The following TRAPPC10 variants were observed in gnomAD, a reference collection of about 807,000 sequenced individuals.
TRAPPC10 encodes trafficking protein particle complex subunit 10.
In TRAPPC10, 23 loss-of-function variants were observed where a neutral mutation model predicts 125.5. The observed-to-expected ratio is 0.18, with a 90% CI of 0.13 to 0.26. The LOEUF (loss-of-function observed/expected upper bound fraction) is 0.26. TRAPPC10 is among the 10% of genes least tolerant of loss of function. The pLI is 1.00. For missense variants in TRAPPC10, 1,123 were observed against 1,308.4 expected, an observed-to-expected ratio of 0.86 and a Z score of 2.19; for synonymous variants, 509 against 518.0, an observed-to-expected ratio of 0.98 and a Z score of 0.24.
At position 44,088,503 on chromosome 21, in the gene TRAPPC10, G is replaced by T. The variant is rs528691099; in HGVS notation, c.2769+575G>T. On this transcript the variant is annotated intron_variant, in intron 17 of 22. Coordinates refer to ENST00000291574, the MANE Select transcript of TRAPPC10 (RefSeq NM_003274.5). ...AGGGCCCTGAAACAGCCCAGGGGCC[G>T]CAGTATACGCCCAAGAGCAGCGGGG... 20 of 159,636 alleles carry T rather than the reference G, an allele frequency of 1.3e-4. 1 individual carries two copies. The South Asian group carries it at 3.2e-3, about 26-fold the overall frequency. The allele number at this position is 159,636 out of a possible 1,614,324, so 9.9% of individuals were successfully genotyped here.
Position 44,087,840 on chromosome 21 carries a change from A to G in TRAPPC10, c.2681A>G (p.Glu894Gly). 1 of 1,614,146 alleles carries G rather than the reference A, an allele frequency of 6.2e-7. No homozygotes were observed. The highest frequency in any genetic ancestry group is 1.7e-5 in the Admixed American group (1 of 60,022). ...SLPSAPALGG[E>G]SDMLGMAEPH... ...CCTTCAGCCCCAGCACTCGGAGGGGAGAGTGACATGCTGGGGATGGCAGAG... is the reference window on the plus strand; with the variant it reads ...CCTTCAGCCCCAGCACTCGGAGGGGGGAGTGACATGCTGGGGATGGCAGAG... The change falls in exon 17 of 23, where the codon GAG (glutamate) becomes GGG (glycine). Residue 894 changes from glutamate to glycine, a missense_variant. Physicochemically the swap from Glu to Gly is moderately conservative, Grantham distance 98 (BLOSUM62 -2). This residue lies in a region of TRAPPC10 where 840 missense variants were observed against 902.0 expected (regional missense o/e 0.93). Coordinates refer to ENST00000291574, the MANE Select transcript of TRAPPC10 (RefSeq NM_003274.5). The surrounding 1 kb of genome is among the most constrained non-coding windows in gnomAD (Gnocchi z 4.6).
chr21:44,032,175 A>T lies in TRAPPC10; in HGVS notation c.149+3A>T. On this transcript the variant is annotated splice_donor_region_variant and intron_variant, in intron 2 of 22. Coordinates refer to ENST00000291574, the MANE Select transcript of TRAPPC10 (RefSeq NM_003274.5). Reference sequence around the variant, plus strand: ...AGAGAACCAATGGAATGGAGAAGGTATGAGTTGTGTGTTTTTTGGCTGTAT... The same window carrying T: ...AGAGAACCAATGGAATGGAGAAGGTTTGAGTTGTGTGTTTTTTGGCTGTAT... The T allele has an allele frequency of 6.2e-7, 1 of 1,611,674 alleles. No homozygotes were observed. Among genetic ancestry groups the T allele is most frequent in the South Asian group, 1.1e-5 (1 of 90,440 alleles).
intron 3 of TRAPPC10, among the ~76,000 whole-genome samples, chr21:44,043,207 C>T (rs890866764): frequency 3.0e-5 from 4 of 132,892 alleles, no homozygotes; most frequent in South Asian, 2.4e-4. Flanking sequence ...TTAATTATTA[C>T]GCTTTTTTTT....
intron 1 of TRAPPC10, among the ~76,000 whole-genome samples, chr21:44,022,039 A>ATTTC (rs60745501): frequency 0.29 from 42,514 of 148,798 alleles, 7,758 homozygotes; most frequent in African/African-American, 0.53. Flanking sequence ...CTTTTTAAAA[A>ATTTC]TTTCTTTCTT....
intron 3 of TRAPPC10, among the ~76,000 whole-genome samples, chr21:44,038,759 AGTT>A (rs2034183802): frequency 6.6e-6 from 1 of 152,026 alleles, no homozygotes; most frequent in South Asian, 2.1e-4. Flanking sequence ...GCACAGAGGT[AGTT>A]GTTGGTGATT....
intron 1 of TRAPPC10, among the ~76,000 whole-genome samples, chr21:44,016,872 A>G (rs1011915888): frequency 3.3e-5 from 5 of 152,188 alleles, no homozygotes; most frequent in African/African-American, 1.2e-4. Flanking sequence ...GTCAGCCAGG[A>G]TGGTCTTGAT....
intron 2 of TRAPPC10, among the ~76,000 whole-genome samples, chr21:44,036,355 G>A (rs970939273): frequency 2.0e-5 from 3 of 152,204 alleles, no homozygotes; most frequent in Admixed American, 1.3e-4. Flanking sequence ...CATCAAGAGG[G>A]AAGACTCTGT....
In TRAPPC10 at chr21:44,080,087, G is replaced by T; in HGVS notation, c.1683G>T (p.Gln561His). Reference protein sequence around the residue: ...LTEEERKHFCQEILDFASQPS... With the variant: ...LTEEERKHFCHEILDFASQPS... ...AAGAGGAGCGCAAGCACTTCTGCCA[G>T]GAGATACTTGACTTTGCCAGCCAGC... The change falls in exon 13 of 23, where the codon CAG becomes CAT. Residue 561 changes from glutamine to histidine, a missense_variant. Physicochemically the swap from Gln to His is conservative, Grantham distance 24 (BLOSUM62 0). This residue lies in a region of TRAPPC10 where 840 missense variants were observed against 902.0 expected (regional missense o/e 0.93). Transcript: ENST00000291574. 1 of 1,614,164 alleles carries T rather than the reference G, an allele frequency of 6.2e-7. No homozygotes were observed.
At chr21:44,080,999 A>ATTCTTTTT (rs2037670078) in intron 13 of TRAPPC10, among the ~76,000 whole-genome samples, 1 of 70,884 alleles carries the variant, frequency 1.4e-5, no homozygotes, top group African/African-American at 4.7e-5. Context: ...AGTCAATATT[A>ATTCTTTTT]TTGTTCTTTT....
chr21:44,062,528 G>T (rs1037219527), intron 6 of TRAPPC10: 8 of 985,212 alleles, frequency 8.1e-6, no homozygotes, highest in Non-Finnish European at 9.6e-6. Context: ...GGAGTGCCCC[G>T]TGAGAATCCT....
chr21:44,033,641 G>A (rs1273989970), intron 2 of TRAPPC10, among the ~76,000 whole-genome samples: 1 of 152,134 alleles, frequency 6.6e-6, no homozygotes, highest in African/African-American at 2.4e-5. Flanking sequence ...TGGGAGGATC[G>A]CTTGAGCCTA....
chr21:44,032,484 G>T (rs2033667137), intron 2 of TRAPPC10, among the ~76,000 whole-genome samples: 1 of 146,478 alleles, frequency 6.8e-6, no homozygotes, highest in Non-Finnish European at 1.5e-5. Flanking sequence ...CTGGGTTCAA[G>T]CAATTCTCCT....
chr21:44,047,636 CT>C (rs1833883723), intron 3 of TRAPPC10, among the ~76,000 whole-genome samples: 1 of 151,476 alleles, frequency 6.6e-6, no homozygotes, highest in Non-Finnish European at 1.5e-5. Flanking sequence ...TCCTTTTTCC[CT>C]TTTTCTTGGT....
At chr21:44,093,407 TCACAC>T (rs1187647962) in intron 19 of TRAPPC10, among the ~76,000 whole-genome samples, 4 of 151,552 alleles carry the variant, frequency 2.6e-5, no homozygotes, top group African/African-American at 9.7e-5. Context: ...TGAGCTGTGA[TCACAC>T]CACAGCACTC....
intron 7 of TRAPPC10, among the ~76,000 whole-genome samples, chr21:44,073,959 C>G (rs2037079612): frequency 6.7e-6 from 1 of 149,940 alleles, no homozygotes; most frequent in Non-Finnish European, 1.5e-5. Context: ...CATATTTGGT[C>G]TTTTTCTAGG....
rs2033628882 is a variant in TRAPPC10, at chr21:44,032,188, T to G, written c.149+16T>G. ...AATGGAGAAGGTATGAGTTGTGTGT[T>G]TTTTGGCTGTATCCCTCTCTTCATT... On this transcript the variant is annotated intron_variant, in intron 2 of 22. Coordinates refer to ENST00000291574, the MANE Select transcript of TRAPPC10 (RefSeq NM_003274.5). The G allele has an allele frequency of 6.2e-7, 1 of 1,604,294 alleles. No homozygotes were observed. Among genetic ancestry groups the G allele is most frequent in the Non-Finnish European group, 8.5e-7 (1 of 1,173,816 alleles).
intron 7 of TRAPPC10, among the ~76,000 whole-genome samples, chr21:44,073,002 A>G (rs2036997813): frequency 6.6e-6 from 1 of 152,218 alleles, no homozygotes; most frequent in South Asian, 2.1e-4. Context: ...CCAGGATCTC[A>G]GAGCTGCTTC....
At chr21:44,077,975 C>G (rs2037408944) in intron 11 of TRAPPC10, among the ~76,000 whole-genome samples, 191 bp downstream of exon 11, 1 of 151,910 alleles carries the variant, frequency 6.6e-6, no homozygotes, top group Admixed American at 6.6e-5. Context: ...GCTTGTTACT[C>G]TTAATAACTG....
chr21:44,016,648 A>C (rs2031872221), intron 1 of TRAPPC10, among the ~76,000 whole-genome samples: 1 of 152,084 alleles, frequency 6.6e-6, no homozygotes, highest in Non-Finnish European at 1.5e-5. Flanking sequence ...TGTAGGTTAA[A>C]ATTTTTTTAA....
Sources: gnomAD v4.1 joint callset for allele counts (sites outside exome capture counted in the v4.1 genomes callset) on GRCh38, gnomAD v4.1.1 for gene constraint, gnomAD v4.1.1 regional missense constraint, Gnocchi (gnomAD v3.1) non-coding constraint, MANE v1.5 for transcripts, NCBI Gene and HGNC (gene_info 2026-07-23, HGNC 2026-07-21) for gene names.